ANO3: variants seen among roughly 807,000 people sequenced by gnomAD.
The protein encoded by ANO3 is anoctamin 3, also known as anoctamin-3.
In ANO3, 99 loss-of-function variants were observed where a neutral mutation model predicts 144.8. The ratio of observed to expected loss-of-function variants is 0.68; its 90% CI spans 0.58 to 0.81. The LOEUF (loss-of-function observed/expected upper bound fraction) is 0.81. ANO3 is among the 30% of genes least tolerant of loss of function. The pLI, the probability that ANO3 is intolerant of heterozygous loss-of-function variation, is 0.00. For synonymous variants in ANO3, 414 were observed against 392.6 expected, an observed-to-expected ratio of 1.05 and a Z score of -0.64; for missense variants, 905 against 1,202.2, an observed-to-expected ratio of 0.75 and a Z score of 3.66.
At chr11:26,195,442 C>T (rs1851566878) in intron 1 of ANO3, among the ~76,000 whole-genome samples, 1 of 152,180 alleles carries the variant, frequency 6.6e-6, no homozygotes, top group Admixed American at 6.5e-5. Flanking sequence ...AAAAAGACTT[C>T]CTGCTTTCAT....
intron 1 of ANO3, among the ~76,000 whole-genome samples, chr11:26,379,555 G>A (rs374665698): frequency 3.3e-5 from 5 of 152,068 alleles, no homozygotes; most frequent in African/African-American, 1.2e-4. Context: ...GCTGAGGTGG[G>A]TGGATTGCTT....
chr11:26,288,284 G>A (rs1853854386), intron 1 of ANO3, among the ~76,000 whole-genome samples: 1 of 152,204 alleles, frequency 6.6e-6, no homozygotes, highest in South Asian at 2.1e-4. Flanking sequence ...AGATAAAGAA[G>A]TGGAAGTTTA....
chr11:26,302,902 T>C (rs1359620859), intron 1 of ANO3, among the ~76,000 whole-genome samples: 3 of 152,238 alleles, frequency 2.0e-5, no homozygotes, highest in African/African-American at 7.2e-5. Context: ...AGGAAATGAA[T>C]AGACATTTTT....
At chr11:26,395,026 G>A (rs1448696710) in intron 1 of ANO3, among the ~76,000 whole-genome samples, 3 of 152,100 alleles carry the variant, frequency 2.0e-5, no homozygotes, top group Non-Finnish European at 2.9e-5. Context: ...TATGGGACCT[G>A]ACCCCTGTGG....
At chr11:26,535,645 C>T (rs1222717722) in intron 9 of ANO3, among the ~76,000 whole-genome samples, 5 of 125,752 alleles carry the variant, frequency 4.0e-5, no homozygotes, top group African/African-American at 1.2e-4. Context: ...TGCAGTGGCA[C>T]GATCTCAATT....
chr11:26,459,147 G>A (rs1859275148), intron 3 of ANO3, among the ~76,000 whole-genome samples: 1 of 152,038 alleles, frequency 6.6e-6, no homozygotes, highest in East Asian at 1.9e-4. Flanking sequence ...TGGATTGGAG[G>A]GCATGAGGGT....
chr11:26,622,564 C>G (rs763325853), intron 17 of ANO3, among the ~76,000 whole-genome samples: 1 of 152,100 alleles, frequency 6.6e-6, no homozygotes, highest in African/African-American at 2.4e-5. Flanking sequence ...TGTGATCATG[C>G]CATTGCACTC....
intron 1 of ANO3, among the ~76,000 whole-genome samples, chr11:26,269,179 C>G (rs1853382612): frequency 6.6e-6 from 1 of 152,188 alleles, no homozygotes; most frequent in Non-Finnish European, 1.5e-5. Context: ...TCCCTCCACC[C>G]TCCATACTGG....
chr11:26,241,546 C>A (rs1564930614), intron 1 of ANO3, among the ~76,000 whole-genome samples: 2 of 152,128 alleles, frequency 1.3e-5, no homozygotes, highest in Non-Finnish European at 2.9e-5. Context: ...CATGTATGAT[C>A]TGACACATTT....
At chr11:26,459,886 C>T (rs559305898) in intron 3 of ANO3, among the ~76,000 whole-genome samples, 4 of 152,130 alleles carry the variant, frequency 2.6e-5, no homozygotes, top group South Asian at 2.1e-4. Flanking sequence ...ATAGTTTCTA[C>T]GTTTTATTAT....
intron 1 of ANO3, among the ~76,000 whole-genome samples, chr11:26,318,038 C>T (rs536297442): frequency 2.7e-5 from 4 of 147,096 alleles, no homozygotes; most frequent in Non-Finnish European, 6.1e-5. Context: ...TGTTCTCACT[C>T]ATAAGTGGGA....
At chr11:26,607,600 C>A (rs1315392360) in intron 17 of ANO3, among the ~76,000 whole-genome samples, 2 of 152,114 alleles carry the variant, frequency 1.3e-5, no homozygotes, top group Non-Finnish European at 2.9e-5. Flanking sequence ...CTAATATTGC[C>A]AGTGGGGTGT....
At chr11:26,224,745 G>A (rs1340636149) in intron 1 of ANO3, among the ~76,000 whole-genome samples, 2 of 152,218 alleles carry the variant, frequency 1.3e-5, no homozygotes, top group African/African-American at 2.4e-5. Context: ...TGGATGGTAA[G>A]GCAAGTAGAA....
In ANO3 at chr11:26,641,893, T is replaced by C. The variant is rs1359299918; in HGVS notation, c.2142-3T>C. ...AAAGTCCTTGGTCTGCTCTGTGATGTAGGTTGATCCAGAACTGGTGGTCAC... is the reference window on the plus strand; with the variant it reads ...AAAGTCCTTGGTCTGCTCTGTGATGCAGGTTGATCCAGAACTGGTGGTCAC... On this transcript the variant is annotated splice_polypyrimidine_tract_variant and splice_region_variant and intron_variant, in intron 21 of 26. Coordinates refer to ENST00000256737, the MANE Select transcript of ANO3 (RefSeq NM_031418.4). The C allele has an allele frequency of 6.2e-7, 1 of 1,613,910 alleles. No homozygotes were observed. Among genetic ancestry groups the C allele is most frequent in the Admixed American group, 1.7e-5 (1 of 60,012 alleles).
At chr11:26,455,756 G>A (rs999639631) in intron 3 of ANO3, among the ~76,000 whole-genome samples, 23 of 150,710 alleles carry the variant, frequency 1.5e-4, no homozygotes, top group Admixed American at 6.0e-4. Flanking sequence ...AAAAGAGCCC[G>A]CATCGCCAAG....
chr11:26,578,727 T>C (rs1851054684), intron 14 of ANO3, among the ~76,000 whole-genome samples: 1 of 152,038 alleles, frequency 6.6e-6, no homozygotes, highest in African/African-American at 2.4e-5. Flanking sequence ...GTGTGTAGAA[T>C]ATGGGGATAG....
chr11:26,516,632 A>G (rs1270323368), intron 5 of ANO3, among the ~76,000 whole-genome samples, 195 bp from the exon 6 acceptor site: 1 of 151,970 alleles, frequency 6.6e-6, no homozygotes, highest in African/African-American at 2.4e-5. Flanking sequence ...TTTCTTCTAC[A>G]CGATGTCATT....
chr11:26,349,976 C>T (rs1855597932), intron 1 of ANO3, among the ~76,000 whole-genome samples: 1 of 152,018 alleles, frequency 6.6e-6, no homozygotes, highest in Non-Finnish European at 1.5e-5. Flanking sequence ...AGCAGATGTC[C>T]CCTGGCATTT....
intron 17 of ANO3, among the ~76,000 whole-genome samples, chr11:26,620,474 T>C (rs1192518379): frequency 6.6e-6 from 1 of 151,602 alleles, no homozygotes; most frequent in African/African-American, 2.4e-5. Flanking sequence ...AAATATTAAA[T>C]TAAATTTATT....
Sources: gnomAD v4.1 joint callset for allele counts (sites outside exome capture counted in the v4.1 genomes callset) on GRCh38, gnomAD v4.1.1 for gene constraint, MANE v1.5 for transcripts, NCBI Gene and HGNC (gene_info 2026-07-23, HGNC 2026-07-21) for gene names.